DCAF6: variants seen among roughly 807,000 people sequenced by gnomAD.
DCAF6 encodes DDB1- and CUL4-associated factor 6.
Under a neutral mutation model 125.1 loss-of-function variants are expected in DCAF6, and 54 were observed. The ratio of observed to expected loss-of-function variants is 0.43; its 90% CI spans 0.35 to 0.54. The LOEUF (loss-of-function observed/expected upper bound fraction) is 0.54. Among genes scored for constraint, DCAF6 ranks in the 20% least tolerant of loss-of-function variants. The pLI is 0.01. For missense variants in DCAF6, 934 were observed against 1,161.7 expected (o/e 0.80, Z 2.85); for synonymous variants, 371 against 390.4 (o/e 0.95, Z 0.58).
At chr1:167,943,555 T>C (rs376069520) in intron 1 of DCAF6, among the ~76,000 whole-genome samples, 4 of 152,238 alleles carry the variant, frequency 2.6e-5, no homozygotes, top group African/African-American at 7.2e-5. Flanking sequence ...TGGGTACATA[T>C]GCAGTTTTGT....
Position 167,987,546 on chromosome 1 carries a change from G to A in DCAF6, c.490G>A (p.Gly164Arg), listed in dbSNP as rs775305846. ...PYTFLSCGED[G>R]TVRWFDTRIK... is the part of the protein sequence containing the mutation. ...CACTTTTCTCTCTTGTGGTGAAGAT[G>A]GAACTGTTAGGTGGTTTGATACACG... The change falls in exon 5 of 22, where the codon GGA (glycine) becomes AGA (arginine). Residue 164 changes from glycine to arginine, a missense_variant. This residue lies in a region of DCAF6 where 309 missense variants were observed against 381.2 expected (regional missense o/e 0.81). Coordinates refer to ENST00000367840, the MANE Select transcript of DCAF6 (RefSeq NM_001198956.2). 1.2e-6 allele frequency: 2 copies of A among 1,608,534 alleles called. No homozygotes were observed. The highest frequency in any genetic ancestry group is 3.3e-5 in the Admixed American group (2 of 59,994).
At chr1:168,004,364 T>C (rs1571896471) in intron 9 of DCAF6, among the ~76,000 whole-genome samples, 169 bp from the exon 10 acceptor site, 1 of 152,190 alleles carries the variant, frequency 6.6e-6, no homozygotes, top group East Asian at 1.9e-4. Context: ...TTTTTATCCC[T>C]CTTGACTGGC....
chr1:168,032,045 A>G (rs915017293), intron 12 of DCAF6, among the ~76,000 whole-genome samples: 5 of 152,340 alleles, frequency 3.3e-5, no homozygotes, highest in Admixed American at 2.0e-4. Context: ...TCACACTTCT[A>G]TGTTATGTCA....
At chr1:167,928,626 A>C in the DCAF6 span, among the ~76,000 whole-genome samples, 4 of 152,266 alleles carry the variant, frequency 2.6e-5, no homozygotes, top group African/African-American at 9.6e-5. Flanking sequence ...GTATCACTCA[A>C]ATAGTGACAA....
Position 168,038,458 on chromosome 1 carries a change from G to T in DCAF6, c.1697G>T (p.Ser566Ile), listed in dbSNP as rs748375177. The T allele has an allele frequency of 1.2e-6, 2 of 1,608,058 alleles. No individual in the cohort carries two copies. The highest frequency in any genetic ancestry group is 2.2e-5 in the South Asian group (2 of 89,448). ...LHYSTEGTTT[S>I]TIKLNFTDEW... is the part of the protein sequence containing the mutation. ...TACAGCACAGAAGGAACAACTACAA[G>T]CACAATAAAACTGAACTTTACAGAT... is the stretch of plus-strand genomic sequence containing the variant. Residue 566 changes from serine (S) to isoleucine (I), a missense_variant, in exon 13 of 22, where the codon AGC (serine) becomes ATC (isoleucine). This residue lies in a region of DCAF6 where 559 missense variants were observed against 635.5 expected (regional missense o/e 0.88). Coordinates refer to ENST00000367840, the MANE Select transcript of DCAF6 (RefSeq NM_001198956.2).
At chr1:167,985,966 A>C (rs928848701) in intron 4 of DCAF6, among the ~76,000 whole-genome samples, 4 of 152,184 alleles carry the variant, frequency 2.6e-5, no homozygotes, top group African/African-American at 9.7e-5. Flanking sequence ...AATGGGAATC[A>C]TACTGTGCCT....
At chr1:167,895,180 C>CAA in the DCAF6 span, among the ~76,000 whole-genome samples, 9 of 67,748 alleles carry the variant, frequency 1.3e-4, no homozygotes, top group African/African-American at 3.9e-4. Context: ...GACTCCATCT[C>CAA]AAAAAAAAAA....
intron 1 of DCAF6, among the ~76,000 whole-genome samples, chr1:167,951,325 A>C (rs1237014340): frequency 6.6e-6 from 1 of 152,198 alleles, no homozygotes; most frequent in East Asian, 1.9e-4. Flanking sequence ...CTGTAATCCT[A>C]GCACTTTGGG....
intron 12 of DCAF6, among the ~76,000 whole-genome samples, chr1:168,030,733 T>C (rs2103304880): frequency 6.6e-6 from 1 of 152,344 alleles, no homozygotes; most frequent in Non-Finnish European, 1.5e-5. Flanking sequence ...AGTTTAGTAA[T>C]AAATAGCAGT....
intron 20 of DCAF6, 46 bp downstream of exon 20, chr1:168,066,511 C>A: frequency 7.7e-7 from 1 of 1,301,518 alleles, no homozygotes; most frequent in South Asian, 1.3e-5. Flanking sequence ...TCAATTTGTT[C>A]CTAAAATGCT....
intron 7 of DCAF6, among the ~76,000 whole-genome samples, chr1:167,998,049 GTTA>G (rs1416435483): frequency 2.6e-5 from 4 of 152,110 alleles, no homozygotes; most frequent in Non-Finnish European, 4.4e-5. Flanking sequence ...AAAAATTAGA[GTTA>G]TTATATGAGC....
intron 10 of DCAF6, 70 bp from the exon 11 acceptor site, chr1:168,015,711 G>A: frequency 1.6e-6 from 2 of 1,274,780 alleles, no homozygotes; most frequent in Non-Finnish European, 2.1e-6. Flanking sequence ...CTTTTTTAAT[G>A]TATAATCAAA....
chr1:167,918,230 C>T, the DCAF6 span: 7 of 1,028,044 alleles, frequency 6.8e-6, no homozygotes, highest in Non-Finnish European at 1.0e-5. Flanking sequence ...CTTCTAAACA[C>T]ACAGTTAGCT....
chr1:168,044,780 C>T, intron 15 of DCAF6, 109 bp downstream of exon 15: 1 of 1,420,410 alleles, frequency 7.0e-7, no homozygotes, highest in Non-Finnish European at 9.8e-7. Flanking sequence ...GTGGAAGTTT[C>T]CTCCCCTTAT....
chr1:167,898,608 A>T, the DCAF6 span, among the ~76,000 whole-genome samples: 287 of 145,078 alleles, frequency 2.0e-3, 1 homozygote, highest in Admixed American at 5.4e-3. Flanking sequence ...TTTTTTTTTT[A>T]AAAAAAGAAT....
intron 12 of DCAF6, 45 bp from the exon 13 acceptor site, chr1:168,038,326 A>C (rs1398053059): frequency 4.3e-6 from 6 of 1,383,428 alleles, no homozygotes; most frequent in Non-Finnish European, 6.1e-6. Flanking sequence ...TCATCTTTTT[A>C]CTGGTTTCAG....
chr1:167,914,992 C>T, the DCAF6 span, among the ~76,000 whole-genome samples: 1 of 152,166 alleles, frequency 6.6e-6, no homozygotes, highest in African/African-American at 2.4e-5. Context: ...AATCATACCT[C>T]ATTTAATTAA....
At chr1:168,004,849 T>G (rs1482055233) in intron 10 of DCAF6, 56 bp downstream of exon 10, 1 of 1,562,158 alleles carries the variant, frequency 6.4e-7, no homozygotes, top group African/African-American at 1.4e-5. Flanking sequence ...AAAATTTCTT[T>G]ACTGGCTATT....
chr1:168,063,446 C>T (rs1013031281), intron 17 of DCAF6, among the ~76,000 whole-genome samples, 175 bp from the exon 18 acceptor site: 1 of 152,142 alleles, frequency 6.6e-6, no homozygotes, highest in Admixed American at 6.5e-5. Context: ...TGTAGTAACT[C>T]AACTAGTCTG....
Sources: allele counts gnomAD v4.1 joint callset (sites outside exome capture counted in the v4.1 genomes callset), GRCh38; gene constraint gnomAD v4.1.1; regional missense constraint gnomAD v4.1.1; transcripts MANE v1.5; gene names NCBI Gene and HGNC (gene_info 2026-07-23, HGNC 2026-07-21).